The following NWD2 variants were observed in gnomAD, a reference collection of about 807,000 sequenced individuals.
NWD2 encodes NACHT and WD repeat domain-containing protein 2.
Under a neutral mutation model 132.7 loss-of-function variants are expected in NWD2, and 37 were observed. The observed-to-expected ratio is 0.28, with a 90% CI of 0.21 to 0.37. The LOEUF (loss-of-function observed/expected upper bound fraction) is 0.37, where lower values mean the gene tolerates loss of function less well. Ranked by LOEUF, NWD2 falls within the 10% of genes least tolerant of loss-of-function variation. NWD2 has a pLI of 1.00. For missense variants in NWD2, 1,592 were observed against 2,122.4 expected (o/e 0.75, Z 4.91); for synonymous variants, 705 against 803.0 (o/e 0.88, Z 2.06).
At position 37,298,832 on chromosome 4, in the gene NWD2, A is replaced by T. The variant is rs1441084768; in HGVS notation, c.152-27104A>T. Among the ~76,000 whole-genome samples the T allele has an allele frequency of 2.6e-5, 4 of 152,308 alleles. No homozygotes were observed. In the East Asian group the frequency reaches 7.7e-4, roughly 29 times the overall value. On this transcript the variant is annotated intron_variant, in intron 1 of 6. Transcript: ENST00000309447. The stretch of plus-strand genomic sequence containing the variant: ...AAATGTTAATCACCCCGTTATGATG[A>T]TGATGAGAGTGGTAGTACAGCCAAG...
intron 1 of NWD2, among the ~76,000 whole-genome samples, chr4:37,293,834 T>G (rs981814758): frequency 2.6e-5 from 4 of 151,558 alleles, no homozygotes; most frequent in Non-Finnish European, 5.9e-5. Context: ...TTGCAAGCTA[T>G]GTAGTACTGG....
intron 2 of NWD2, among the ~76,000 whole-genome samples, chr4:37,355,857 A>G (rs1053434041): frequency 5.7e-4 from 87 of 152,144 alleles, no homozygotes; most frequent in African/African-American, 2.1e-3. Context: ...AACAGACTTA[A>G]GCAAAATATC....
chr4:37,352,843 G>T (rs908837635), intron 2 of NWD2, among the ~76,000 whole-genome samples: 1 of 152,114 alleles, frequency 6.6e-6, no homozygotes, highest in African/African-American at 2.4e-5. Flanking sequence ...GGGGCATTTA[G>T]CCCATTTGTA....
intron 3 of NWD2, among the ~76,000 whole-genome samples, chr4:37,384,931 C>T (rs760796964): frequency 1.3e-5 from 2 of 152,200 alleles, no homozygotes; most frequent in South Asian, 4.1e-4. Flanking sequence ...TGCTCAGCCA[C>T]ACCAGTTAGA....
intron 1 of NWD2, among the ~76,000 whole-genome samples, chr4:37,274,237 G>T (rs996219405): frequency 7.9e-5 from 12 of 152,058 alleles, no homozygotes; most frequent in Non-Finnish European, 1.6e-4. Context: ...AATAAAAAAT[G>T]ATAAAGGAGA....
intron 2 of NWD2, among the ~76,000 whole-genome samples, chr4:37,354,062 C>G (rs1719823632): frequency 6.6e-6 from 1 of 152,016 alleles, no homozygotes; most frequent in Non-Finnish European, 1.5e-5. Context: ...GATGCTATTC[C>G]TTTCTGTTTG....
chr4:37,310,680 T>C (rs1243698278), intron 1 of NWD2, among the ~76,000 whole-genome samples: 1 of 151,728 alleles, frequency 6.6e-6, no homozygotes, highest in Non-Finnish European at 1.5e-5. Context: ...AAGTGCACAA[T>C]GTGCAGGTTA....
At chr4:37,387,726 G>A (rs1037152613) in intron 3 of NWD2, among the ~76,000 whole-genome samples, 25 of 144,634 alleles carry the variant, frequency 1.7e-4, no homozygotes, top group African/African-American at 6.5e-4. Context: ...CCAGGCTGGA[G>A]TGCAATGGCG....
intron 1 of NWD2, among the ~76,000 whole-genome samples, chr4:37,298,397 T>C (rs931508108): frequency 5.3e-5 from 8 of 152,218 alleles, no homozygotes; most frequent in South Asian, 2.1e-4. Flanking sequence ...TTTGTTCTGG[T>C]ATACAATTAT....
intron 1 of NWD2, among the ~76,000 whole-genome samples, chr4:37,257,082 C>A (rs778556909): frequency 6.6e-6 from 1 of 152,086 alleles, no homozygotes; most frequent in African/African-American, 2.4e-5. Flanking sequence ...AACCTCACTG[C>A]CCCATGGACG....
intron 1 of NWD2, among the ~76,000 whole-genome samples, chr4:37,311,743 A>G (rs1246342163): frequency 6.7e-6 from 1 of 148,762 alleles, no homozygotes; most frequent in African/African-American, 2.6e-5. Context: ...GTTTTCTTCT[A>G]GGGTTTTTAT....
chr4:37,433,134 C>T lies in NWD2; in HGVS notation c.562-742C>T, dbSNP rs1712224209. 2.0e-5 allele frequency among the ~76,000 whole-genome samples: 3 copies of T among 152,182 alleles called. No homozygotes were observed. The South Asian group carries it at 6.2e-4, about 32-fold the overall frequency. On this transcript the variant is annotated intron_variant, in intron 4 of 6. Transcript: ENST00000309447. ...CACATATATTATTCAAAGTAATTAT[C>T]TATAACAATATTGCTTCTCTGGGTG...
At chr4:37,282,244 T>C (rs1048109702) in intron 1 of NWD2, among the ~76,000 whole-genome samples, 2 of 152,158 alleles carry the variant, frequency 1.3e-5, no homozygotes, top group African/African-American at 4.8e-5. Flanking sequence ...AGGGTGTGCA[T>C]TCCACTATTT....
chr4:37,347,182 T>C lies in NWD2; in HGVS notation c.241-9184T>C, dbSNP rs1023774254. On this transcript the variant is annotated intron_variant, in intron 2 of 6. Coordinates refer to ENST00000309447, the MANE Select transcript of NWD2 (RefSeq NM_001144990.2). ...TCCACCATATTCAGAGAACATACTT[T>C]GTATGATATGAATTTATTTAGATTT... Among the ~76,000 whole-genome samples, 135 of 152,246 alleles carry C rather than the reference T, an allele frequency of 8.9e-4. 1 individual carries two copies. The highest frequency in any genetic ancestry group is 3.1e-3 in the African/African-American group (127 of 41,570).
chr4:37,383,745 A>T (rs1720505291), intron 3 of NWD2, among the ~76,000 whole-genome samples: 2 of 152,224 alleles, frequency 1.3e-5, no homozygotes, highest in Admixed American at 1.3e-4. Context: ...TCAGGATGAG[A>T]GTGCCCCATG....
At chr4:37,383,263 C>T (rs1408977574) in intron 3 of NWD2, among the ~76,000 whole-genome samples, 2 of 152,164 alleles carry the variant, frequency 1.3e-5, no homozygotes, top group African/African-American at 4.8e-5. Context: ...TGAGGGCTTT[C>T]TCCCTCTCCC....
intron 3 of NWD2, among the ~76,000 whole-genome samples, chr4:37,412,103 C>G (rs907420306): frequency 1.3e-5 from 2 of 152,136 alleles, no homozygotes; most frequent in East Asian, 3.8e-4. Context: ...CTCATCACTC[C>G]TATTCAACAT....
intron 3 of NWD2, among the ~76,000 whole-genome samples, chr4:37,395,973 G>A: frequency 6.6e-6 from 1 of 151,838 alleles, no homozygotes; most frequent in Admixed American, 6.6e-5. Flanking sequence ...TCCCCAGTGG[G>A]AAGGAATTCA....
Position 37,416,626 on chromosome 4 carries a change from CATT to C in NWD2, c.358-13943_358-13941del. On this transcript the variant is annotated intron_variant, in intron 3 of 6. Coordinates refer to ENST00000309447, the MANE Select transcript of NWD2 (RefSeq NM_001144990.2). The stretch of plus-strand genomic sequence containing the variant: ...GGGTACCTACCTGAGGAAAAGAAGA[CATT>C]ATATGAAAAAGATACTTGCACACAC... Among the ~76,000 whole-genome samples the C allele has an allele frequency of 3.9e-5, 6 of 152,218 alleles. 1 individual carries two copies. Among genetic ancestry groups the C allele is most frequent in the Admixed American group, 3.9e-4 (6 of 15,286 alleles).
Sources: gnomAD v4.1 joint callset for allele counts (sites outside exome capture counted in the v4.1 genomes callset) on GRCh38, gnomAD v4.1.1 for gene constraint, MANE v1.5 for transcripts, NCBI Gene and HGNC (gene_info 2026-07-23, HGNC 2026-07-21) for gene names.